WNT2B: variants seen among roughly 807,000 people sequenced by gnomAD.
WNT2B encodes Wnt family member 2B.
A neutral mutation model predicts 40.5 loss-of-function variants in WNT2B; 19 were observed. The observed-to-expected ratio is 0.47, with a 90% confidence interval of 0.33 to 0.69. The LOEUF is 0.69. Ranked by LOEUF, WNT2B falls within the 30% of genes least tolerant of loss-of-function variation. The pLI is 0.02. For synonymous variants in WNT2B, 220 were observed against 211.9 expected (o/e 1.04, Z -0.33); for missense variants, 467 against 556.4 (o/e 0.84, Z 1.62).
intron 1 of WNT2B, among the ~76,000 whole-genome samples, chr1:112,497,922 T>G (rs1437127661): frequency 1.3e-5 from 2 of 152,150 alleles, no homozygotes; most frequent in Non-Finnish European, 2.9e-5. Flanking sequence ...ACTCTTTTTT[T>G]TTTTTAAGTT....
At chr1:112,520,039 A>G (rs561151251) in intron 4 of WNT2B, among the ~76,000 whole-genome samples, 2 of 151,076 alleles carry the variant, frequency 1.3e-5, no homozygotes, top group African/African-American at 4.8e-5. Context: ...CACCTGGCTA[A>G]TTTTTTAAGT....
intron 1 of WNT2B, among the ~76,000 whole-genome samples, chr1:112,503,317 C>A (rs1235168698): frequency 6.6e-6 from 1 of 152,064 alleles, no homozygotes; most frequent in Non-Finnish European, 1.5e-5. Flanking sequence ...AAACTGAGGC[C>A]TGAAGTGGGA....
Position 112,517,239 on chromosome 1 carries a change from G to A in WNT2B, c.800G>A (p.Arg267Gln), listed in dbSNP as rs1172725021. The A allele has an allele frequency of 3.7e-6, 6 of 1,614,204 alleles. No individual in the cohort carries two copies. The highest frequency in any genetic ancestry group is 1.1e-5 in the South Asian group (1 of 91,078). The stretch of plus-strand genomic sequence containing the variant: ...CGCCGCACAGGTGATTACCTGCGGC[G>A]ACGCTATGATGGGGCTGTGCAGGTG... ...DFRRTGDYLR[R>Q]RYDGAVQVMA... The change falls in exon 4 of 5, where the codon CGA becomes CAA. Residue 267 changes from arginine (R) to glutamine (Q), a missense_variant. Coordinates refer to ENST00000369684, the MANE Select transcript of WNT2B (RefSeq NM_024494.3).
At position 112,509,531 on chromosome 1, in the gene WNT2B, G is replaced by A. The variant is rs1299455308; in HGVS notation, c.182+87G>A. On this transcript the variant is annotated intron_variant, in intron 1 of 4. Coordinates refer to ENST00000369684, the MANE Select transcript of WNT2B (RefSeq NM_024494.3). This position sits in a 1 kb window ranked among gnomAD's most constrained non-coding sequence, Gnocchi z 4.2. ...GAGGGACTGGCTGCTCACGGGACCA[G>A]GCTGTTGCTTCGACGGGTTGGAGAC... 7.0e-7 allele frequency: 1 copy of A among 1,424,610 alleles called. No individual in the cohort carries two copies. Among genetic ancestry groups the A allele is most frequent in the Non-Finnish European group, 9.2e-7 (1 of 1,086,142 alleles). The allele number at this position is 1,424,610 out of a possible 1,614,324, so 88.2% of individuals were successfully genotyped here.
At chr1:112,516,973 A>G (rs1652579141) in intron 3 of WNT2B, 148 bp from the exon 4 acceptor site, 5 of 1,026,440 alleles carry the variant, frequency 4.9e-6, no homozygotes, top group Non-Finnish European at 7.1e-6. Flanking sequence ...AATGGGTGGG[A>G]TCTGATGTGG....
chr1:112,506,147 C>T (rs1372283662), upstream of WNT2B, among the ~76,000 whole-genome samples: 2 of 152,164 alleles, frequency 1.3e-5, no homozygotes, highest in Non-Finnish European at 2.9e-5. Flanking sequence ...GCTGGGACCA[C>T]AGGTGTGCAT....
At chr1:112,484,187 ATT>A (rs1651325057) in intron 1 of WNT2B, among the ~76,000 whole-genome samples, 1 of 146,084 alleles carries the variant, frequency 6.8e-6, no homozygotes, top group Non-Finnish European at 1.5e-5. Flanking sequence ...TTTATATATA[ATT>A]TTGTCTCCAA....
At chr1:112,480,494 TAA>T (rs1318193490) in intron 1 of WNT2B, among the ~76,000 whole-genome samples, 2 of 150,874 alleles carry the variant, frequency 1.3e-5, no homozygotes, top group Non-Finnish European at 2.9e-5. Context: ...AAGAAATGGA[TAA>T]ATTTCTAGAA....
At chr1:112,469,519 A>G (rs1650807264) in intron 1 of WNT2B, among the ~76,000 whole-genome samples, 1 of 151,844 alleles carries the variant, frequency 6.6e-6, no homozygotes, top group African/African-American at 2.4e-5. Context: ...CATCAGTTTT[A>G]TGTAGTATAC....
rs1378192518 is a variant in WNT2B at position 112,494,191 on chromosome 1, T to A, written c.-94-20683T>A. On this transcript the variant is annotated intron_variant, in intron 1 of 4. Transcript: ENST00000256640. ...CATGCTTGGTGGCGTGCGCCTGTAG[T>A]CCCAGCTACTCGGGAGGCTGAGGCG... Among the ~76,000 whole-genome samples, 5 of 151,010 alleles carry A rather than the reference T, an allele frequency of 3.3e-5. No homozygotes were observed. In the East Asian group the frequency reaches 9.7e-4, roughly 29 times the overall value.
intron 1 of WNT2B, among the ~76,000 whole-genome samples, chr1:112,510,463 C>T (rs945047157): frequency 6.6e-6 from 1 of 152,172 alleles, no homozygotes; most frequent in African/African-American, 2.4e-5. Context: ...GCCTCCCGTC[C>T]TTTCCTTACT....
chr1:112,494,164 G>T (rs1034737449), intron 1 of WNT2B, among the ~76,000 whole-genome samples: 2 of 151,112 alleles, frequency 1.3e-5, no homozygotes, highest in East Asian at 1.9e-4. Context: ...ACAAAAATTA[G>T]CCATGCTTGG....
At chr1:112,514,070 T>C (rs1268940284) in intron 1 of WNT2B, among the ~76,000 whole-genome samples, 3 of 152,248 alleles carry the variant, frequency 2.0e-5, no homozygotes, top group Non-Finnish European at 2.9e-5. Context: ...CCCATCTCAA[T>C]TGACCTTCTT....
intron 1 of WNT2B, among the ~76,000 whole-genome samples, chr1:112,510,897 C>T (rs780857053): frequency 9.2e-5 from 14 of 152,174 alleles, no homozygotes; most frequent in Non-Finnish European, 1.3e-4. Flanking sequence ...TGAGCTTGGT[C>T]TGGCTGGGGA....
upstream of WNT2B, among the ~76,000 whole-genome samples, chr1:112,505,325 G>A (rs558702872): frequency 8.1e-4 from 124 of 152,326 alleles, no homozygotes; most frequent in African/African-American, 2.7e-3. Flanking sequence ...CCCACAGACG[G>A]TTTTATTATA....
intron 1 of WNT2B, among the ~76,000 whole-genome samples, chr1:112,495,270 T>C (rs1353233967): frequency 6.7e-6 from 1 of 148,478 alleles, no homozygotes; most frequent in East Asian, 1.9e-4. Context: ...CAGTAACAAA[T>C]ATGGTAGATA....
rs1652522506 is a variant in WNT2B, at chr1:112,516,025, G to A, written c.404-115G>A. 3 of 1,379,738 alleles carry A rather than the reference G, an allele frequency of 2.2e-6. No homozygotes were observed. The Admixed American group carries it at 6.6e-5, about 31-fold the overall frequency. The allele number at this position is 1,379,738 out of a possible 1,614,324, so 85.5% of individuals were successfully genotyped here. On this transcript the variant is annotated intron_variant, in intron 2 of 4. Coordinates refer to ENST00000369684, the MANE Select transcript of WNT2B (RefSeq NM_024494.3). ...CCTTGAATAAAGGGGGTGTAGGGGT[G>A]ACTCTGGGAAAGAAAATTAGGGAAG...
chr1:112,520,676 G>C lies in WNT2B; in HGVS notation c.*167G>C. On this transcript the variant is annotated 3_prime_UTR_variant, in exon 5 of 5. Transcript: ENST00000369684. The stretch of plus-strand genomic sequence containing the variant: ...CCATGGTGTCCTGGCTGGTTCCTTA[G>C]CCCTGGGAAGGAGTTGTCAGGGGAT... The C allele has an allele frequency of 2.8e-6, 2 of 711,396 alleles. No homozygotes were observed. Among genetic ancestry groups the C allele is most frequent in the South Asian group, 3.8e-5 (2 of 52,230 alleles). The allele number at this position is 711,396 out of a possible 1,614,324, so 44.1% of individuals were successfully genotyped here. A position where few individuals can be genotyped will look rare whatever the true frequency, so the allele number is the denominator to read the frequency against.
Position 112,515,551 on chromosome 1 carries a change from T to C in WNT2B, c.403+457T>C, listed in dbSNP as rs1189318520. ...GGAGAGTCAGTGGCTTGGCCTCAGC[T>C]CAGCAAAAAAGCTAAATAGAGCTAG... On this transcript the variant is annotated intron_variant, in intron 2 of 4. Transcript: ENST00000369684. The surrounding 1 kb of genome is among the most constrained non-coding windows in gnomAD (Gnocchi z 4.4). Among the ~76,000 whole-genome samples, 1 of 152,172 alleles carries C rather than the reference T, an allele frequency of 6.6e-6. No homozygotes were observed. The highest frequency in any genetic ancestry group is 6.5e-5 in the Admixed American group (1 of 15,284).
Sources: allele counts gnomAD v4.1 joint callset (sites outside exome capture counted in the v4.1 genomes callset), GRCh38; gene constraint gnomAD v4.1.1; non-coding constraint Gnocchi (gnomAD v3.1); transcripts MANE v1.5; gene names NCBI Gene and HGNC (gene_info 2026-07-23, HGNC 2026-07-21).